CHRM3: variants seen among roughly 807,000 people sequenced by gnomAD.
The protein encoded by CHRM3 is cholinergic receptor muscarinic 3, also known as muscarinic acetylcholine receptor M3.
Under a neutral mutation model 41.8 loss-of-function variants are expected in CHRM3, and 11 were observed. That is an observed-to-expected ratio of 0.26 (90% CI 0.17 to 0.44). CHRM3 has a LOEUF of 0.44. Among genes scored for constraint, CHRM3 ranks in the 20% least tolerant of loss-of-function variants. The pLI is 1.00. For missense variants in CHRM3, 571 were observed against 745.4 expected, an observed-to-expected ratio of 0.77 and a Z score of 2.72; for synonymous variants, 297 against 301.4, an observed-to-expected ratio of 0.99 and a Z score of 0.15.
At chr1:239,531,733 C>G (rs1009375255) in intron 2 of CHRM3, among the ~76,000 whole-genome samples, 5 of 129,822 alleles carry the variant, frequency 3.9e-5, no homozygotes, top group African/African-American at 1.2e-4. Context: ...GATCTTGGCT[C>G]ACTGTAACCT....
chr1:239,405,871 T>G (rs1203163406), intron 1 of CHRM3, among the ~76,000 whole-genome samples: 1 of 152,150 alleles, frequency 6.6e-6, no homozygotes, highest in Non-Finnish European at 1.5e-5. Context: ...GCTCTATTTA[T>G]AGAGGGCAAG....
intron 1 of CHRM3, among the ~76,000 whole-genome samples, chr1:239,403,198 G>C (rs569063260): frequency 1.3e-5 from 2 of 152,008 alleles, no homozygotes; most frequent in Non-Finnish European, 2.9e-5. Flanking sequence ...CATACGCCTC[G>C]TAGACTTTAC....
At chr1:239,604,208 A>G (rs1340640356) in intron 3 of CHRM3, among the ~76,000 whole-genome samples, 1 of 152,134 alleles carries the variant, frequency 6.6e-6, no homozygotes, top group South Asian at 2.1e-4. Flanking sequence ...GATTACTTAC[A>G]CTTTAAGAGT....
chr1:239,838,568 C>G (rs1002753192), intron 6 of CHRM3, among the ~76,000 whole-genome samples: 2 of 152,198 alleles, frequency 1.3e-5, no homozygotes, highest in African/African-American at 4.8e-5. Flanking sequence ...TTCCTTACCA[C>G]AAGCCTACAA....
chr1:239,646,868 T>A (rs1404941154), intron 4 of CHRM3, among the ~76,000 whole-genome samples: 1 of 152,024 alleles, frequency 6.6e-6, no homozygotes, highest in Non-Finnish European at 1.5e-5. Context: ...CAACAATATG[T>A]GGAAATTGAC....
intron 1 of CHRM3, among the ~76,000 whole-genome samples, chr1:239,462,084 C>T (rs1316436739): frequency 1.3e-5 from 2 of 152,118 alleles, no homozygotes; most frequent in Non-Finnish European, 2.9e-5. Context: ...CTGTTTCCTG[C>T]ATTCATTTAA....
At chr1:239,574,148 C>T (rs1270353424) in intron 3 of CHRM3, among the ~76,000 whole-genome samples, 1 of 151,984 alleles carries the variant, frequency 6.6e-6, no homozygotes, top group African/African-American at 2.4e-5. Flanking sequence ...TGTTTCTTAC[C>T]CCATTTGAGT....
chr1:239,864,945 G>C (rs1336737666), intron 6 of CHRM3, among the ~76,000 whole-genome samples: 1 of 152,114 alleles, frequency 6.6e-6, no homozygotes, highest in Non-Finnish European at 1.5e-5. Context: ...TTCTAGGGTG[G>C]AGAAGGTGAC....
At chr1:239,471,385 C>G (rs1031740286) in intron 1 of CHRM3, among the ~76,000 whole-genome samples, 1 of 152,122 alleles carries the variant, frequency 6.6e-6, no homozygotes, top group Non-Finnish European at 1.5e-5. Flanking sequence ...TTATATGTTA[C>G]TAGTAGAAGC....
intron 1 of CHRM3, among the ~76,000 whole-genome samples, chr1:239,388,290 A>T (rs1231766572): frequency 6.6e-6 from 1 of 152,150 alleles, no homozygotes; most frequent in Non-Finnish European, 1.5e-5. Context: ...ACAAAAATGT[A>T]TTTATCAAAG....
chr1:239,743,961 AT>A (rs34364184), intron 5 of CHRM3, among the ~76,000 whole-genome samples: 20 of 139,410 alleles, frequency 1.4e-4, no homozygotes, highest in East Asian at 4.2e-4. Flanking sequence ...TGCCCGGCTA[AT>A]TTTTTTTTTA....
At chr1:239,818,549 C>A (rs557113635) in intron 5 of CHRM3, among the ~76,000 whole-genome samples, 1 of 152,156 alleles carries the variant, frequency 6.6e-6, no homozygotes, top group Non-Finnish European at 1.5e-5. Flanking sequence ...CTAAGAGCAC[C>A]GTAGCCCTGC....
At chr1:239,627,003 A>T (rs1210867569) in intron 3 of CHRM3, among the ~76,000 whole-genome samples, 1 of 128,758 alleles carries the variant, frequency 7.8e-6, no homozygotes, top group Non-Finnish European at 1.7e-5. Flanking sequence ...AGAGTTCTGT[A>T]GATGTCTATT....
Position 239,910,643 on chromosome 1 carries a change from T to G in CHRM3, c.*1419T>G, listed in dbSNP as rs1680311083. The G allele has an allele frequency of 6.0e-6, 1 of 166,616 alleles. No individual in the cohort carries two copies. Among genetic ancestry groups the G allele is most frequent in the Non-Finnish European group, 1.5e-5 (1 of 68,088 alleles). The allele number at this position is 166,616 out of a possible 1,614,324, so 10.3% of individuals were successfully genotyped here. On this transcript the variant is annotated 3_prime_UTR_variant, in exon 7 of 7. Coordinates refer to ENST00000676153, the MANE Select transcript of CHRM3 (RefSeq NM_001375978.1). ...TGAATTGACCAAAATGTTAACTGTT[T>G]CATTTGGGGAGGGGATGGGGTGCTG...
At chr1:239,408,789 AT>A (rs66799037) in intron 1 of CHRM3, among the ~76,000 whole-genome samples, 164 of 144,238 alleles carry the variant, frequency 1.1e-3, no homozygotes, top group Middle Eastern at 3.6e-3. Flanking sequence ...GGCTGGCTAG[AT>A]TTTTTTTTTT....
At chr1:239,656,191 C>T (rs1049638430) in intron 4 of CHRM3, among the ~76,000 whole-genome samples, 2 of 152,024 alleles carry the variant, frequency 1.3e-5, no homozygotes, top group African/African-American at 4.8e-5. Context: ...TGAAAAATTA[C>T]CTCTGGGGTA....
intron 3 of CHRM3, among the ~76,000 whole-genome samples, chr1:239,561,429 G>T (rs1239212258): frequency 6.6e-6 from 1 of 152,032 alleles, no homozygotes; most frequent in East Asian, 1.9e-4. Context: ...GGGCTGAGAT[G>T]CTATTTTCTC....
At chr1:239,537,957 T>A (rs976207241) in intron 2 of CHRM3, among the ~76,000 whole-genome samples, 4 of 151,870 alleles carry the variant, frequency 2.6e-5, no homozygotes, top group East Asian at 1.9e-4. Context: ...GCTGCAAGAG[T>A]GTTAAAAGAA....
intron 1 of CHRM3, among the ~76,000 whole-genome samples, chr1:239,432,176 A>C (rs1662885656): frequency 1.3e-5 from 2 of 152,146 alleles, no homozygotes; most frequent in Non-Finnish European, 2.9e-5. Context: ...TGGATAAGGA[A>C]GAGGAAGAAG....
Sources: gnomAD v4.1 joint callset for allele counts (sites outside exome capture counted in the v4.1 genomes callset) on GRCh38, gnomAD v4.1.1 for gene constraint, MANE v1.5 for transcripts, NCBI Gene and HGNC (gene_info 2026-07-23, HGNC 2026-07-21) for gene names.